The following GFM2 variants were observed in gnomAD, a reference collection of about 807,000 sequenced individuals.
GFM2 encodes the protein GTP dependent ribosome recycling factor mitochondrial 2, also known as ribosome-releasing factor 2, mitochondrial.
A neutral mutation model predicts 95.4 loss-of-function variants in GFM2; 72 were observed. That is an observed-to-expected ratio of 0.76 (90% CI 0.62 to 0.92). GFM2 has a LOEUF of 0.92. GFM2 is among the 40% of genes least tolerant of loss of function. The pLI is 0.00. For missense variants in GFM2, 825 were observed against 924.1 expected (o/e 0.89, Z 1.39); for synonymous variants, 276 against 317.5 (o/e 0.87, Z 1.39).
At chr5:74,723,423 G>A (rs1362682614) in intron 19 of GFM2, among the ~76,000 whole-genome samples, 1 of 152,058 alleles carries the variant, frequency 6.6e-6, no homozygotes, top group Admixed American at 6.6e-5. Flanking sequence ...TTCTGATGAT[G>A]ACATCAGTAG....
chr5:74,765,794 C>G (rs1744552970), intron 1 of GFM2, among the ~76,000 whole-genome samples: 1 of 151,444 alleles, frequency 6.6e-6, no homozygotes, highest in African/African-American at 2.4e-5. Flanking sequence ...GTCAGGAGTT[C>G]GAAACCAGCC....
At chr5:74,752,898 A>T (rs895199238) in intron 5 of GFM2, among the ~76,000 whole-genome samples, 1 of 152,198 alleles carries the variant, frequency 6.6e-6, no homozygotes, top group Admixed American at 6.5e-5. Flanking sequence ...AAACAAAAGA[A>T]TCTGAACAGT....
chr5:74,726,317 GTGT>G (rs1317629327), intron 17 of GFM2, among the ~76,000 whole-genome samples, 191 bp from the exon 18 acceptor site: 1 of 152,156 alleles, frequency 6.6e-6, no homozygotes, highest in Non-Finnish European at 1.5e-5. Flanking sequence ...ATCTGCTTCT[GTGT>G]TGATCAATGT....
chr5:74,725,925 C>CAAA lies in GFM2; in HGVS notation c.1912+15_1912+16insTTT. 1 of 1,599,534 alleles carries CAAA rather than the reference C, an allele frequency of 6.3e-7. No homozygotes were observed. The highest frequency in any genetic ancestry group is 8.5e-7 in the Non-Finnish European group (1 of 1,171,834). On this transcript the variant is annotated intron_variant, in intron 18 of 20. Transcript: ENST00000296805. ...TGAGTGGGATACTAATGCTTACTCT[C>CAAA]ATTTGAGTGTCTTACCTTGGAGACA...
intron 19 of GFM2, 92 bp downstream of exon 19, chr5:74,725,543 CAAGAT>C (rs1217669466): frequency 1.4e-6 from 1 of 721,264 alleles, no homozygotes; most frequent in East Asian, 2.6e-5. Flanking sequence ...GGCAAAGACA[CAAGAT>C]AAGGCTCTGT....
intron 17 of GFM2, among the ~76,000 whole-genome samples, chr5:74,729,679 T>C (rs1750322246): frequency 1.1e-5 from 1 of 91,450 alleles, no homozygotes; most frequent in Non-Finnish European, 2.0e-5. Context: ...CCTAAACGTC[T>C]TTTTTTTTTT....
intron 1 of GFM2, chr5:74,765,148 T>C: frequency 8.6e-7 from 1 of 1,156,110 alleles, no homozygotes; most frequent in Non-Finnish European, 1.1e-6. Flanking sequence ...TCTCCACAGT[T>C]GTGACTGTAA....
rs1742861608 is a variant in GFM2, at chr5:74,736,901, G to A, written c.1405C>T (p.His469Tyr). The A allele has an allele frequency of 6.2e-7, 1 of 1,613,692 alleles. No individual in the cohort carries two copies. The highest frequency in any genetic ancestry group is 1.7e-5 in the Admixed American group (1 of 59,966). The change falls in exon 15 of 21, where the codon CAC becomes TAC. Residue 469 changes from histidine (H) to tyrosine (Y), a missense_variant. Coordinates refer to ENST00000296805, the MANE Select transcript of GFM2 (RefSeq NM_032380.5). ...CTCTCTGCTTCATTGTTTTGTCTGT[G>A]CTTCTTTTCTCCCTCCCGTTCGGCT... ...RRAEREGEKKHRQNNEAERLL... is the reference protein window; with the variant it reads ...RRAEREGEKKYRQNNEAERLL...
rs1387606255 is a variant in GFM2 at position 74,766,990 on chromosome 5, C to T, written c.-77G>A. On this transcript the variant is annotated 5_prime_UTR_variant, in exon 1 of 21. Transcript: ENST00000296805. The stretch of plus-strand genomic sequence containing the variant: ...AGCTCTCACCGCTGGGCTCTTGAAG[C>T]AGGAGGCGCGAGCCGCGCCAAAGTC... The T allele has an allele frequency of 4.4e-6, 1 of 225,414 alleles. No homozygotes were observed. Among genetic ancestry groups the T allele is most frequent in the Non-Finnish European group, 9.1e-6 (1 of 110,120 alleles). The allele number at this position is 225,414 out of a possible 1,614,324, so 14.0% of individuals were successfully genotyped here. A position where few individuals can be genotyped will look rare whatever the true frequency, so the allele number is the denominator to read the frequency against.
Position 74,745,838 on chromosome 5 carries a change from T to C in GFM2, c.689A>G (p.Lys230Arg). 1.2e-6 allele frequency: 2 copies of C among 1,611,904 alleles called. No homozygotes were observed. Among genetic ancestry groups the C allele is most frequent in the Non-Finnish European group, 1.7e-6 (2 of 1,179,688 alleles). The change falls in exon 10 of 21, where the codon AAA becomes AGA. Residue 230 changes from lysine (K) to arginine (R), a missense_variant. Physicochemically the swap from Lys to Arg is conservative, Grantham distance 26. Coordinates refer to ENST00000296805, the MANE Select transcript of GFM2 (RefSeq NM_032380.5). ...LLLQLPIGEA[K>R]TFKGVVDVVM... ...TACATCCACCACTCCTTTGAAAGTT[T>C]TGGCTTCACCAATTGGTAACTGTAA...
chr5:74,759,305 C>G, intron 4 of GFM2, 64 bp downstream of exon 4: 1 of 919,494 alleles, frequency 1.1e-6, no homozygotes, highest in Non-Finnish European at 1.7e-6. Context: ...TCTTGTCCAT[C>G]AGAAAAAACC....
intron 8 of GFM2, among the ~76,000 whole-genome samples, chr5:74,747,249 A>C (rs1258896224): frequency 6.6e-6 from 1 of 152,132 alleles, no homozygotes; most frequent in Non-Finnish European, 1.5e-5. Flanking sequence ...CCAGTTCTTT[A>C]TTGACAGTAT....
chr5:74,760,342 G>A (rs1744214826), intron 3 of GFM2, among the ~76,000 whole-genome samples: 1 of 152,044 alleles, frequency 6.6e-6, no homozygotes, highest in Non-Finnish European at 1.5e-5. Context: ...ATTCTCACAT[G>A]ACAAACACAG....
At chr5:74,731,575 C>T (rs1428994526) in intron 16 of GFM2, among the ~76,000 whole-genome samples, 5 of 152,122 alleles carry the variant, frequency 3.3e-5, no homozygotes, top group African/African-American at 1.2e-4. Flanking sequence ...TTTGGCTGAT[C>T]CTAATTTAAA....
In GFM2 at chr5:74,725,710, T is replaced by C. The variant is rs773778306; in HGVS notation, c.1958A>G (p.His653Arg). ...GGTGCCAGGATGAATTGTCAGGGAA[T>C]GTAAAGTAATTGCTACATCCTGAAT... ...SPIQDVAITLHSLTIHPGTST... is the reference protein window; with the variant it reads ...SPIQDVAITLRSLTIHPGTST... Residue 653 changes from histidine (H) to arginine (R), a missense_variant, in exon 19 of 21, where the codon CAT becomes CGT. Transcript: ENST00000296805. 1.9e-6 allele frequency: 3 copies of C among 1,613,918 alleles called. No individual in the cohort carries two copies. Among genetic ancestry groups the C allele is most frequent in the Non-Finnish European group, 2.5e-6 (3 of 1,179,918 alleles).
In GFM2 at chr5:74,759,268, G is replaced by GCGAGACTCCGTCTCAAAAAAA. The variant is rs1561263191; in HGVS notation, c.206+100_206+101insTTTTTTTGAGACGGAGTCTCG. On this transcript the variant is annotated intron_variant, in intron 4 of 20. Transcript: ENST00000296805. ...CATCTACTTAAAATTGGCTAGGGCA[G>GCGAGACTCCGTCTCAAAAAAA]AAAGTCATAGAAATTACAGCATTCA... 9 of 727,524 alleles carry GCGAGACTCCGTCTCAAAAAAA rather than the reference G, an allele frequency of 1.2e-5. No homozygotes were observed. In the African/African-American group the frequency reaches 1.6e-4, roughly 13 times the overall value. The allele number at this position is 727,524 out of a possible 1,614,324, so 45.1% of individuals were successfully genotyped here.
Position 74,741,795 on chromosome 5 carries a change from A to G in GFM2, c.850-186T>C, listed in dbSNP as rs1743121036. The G allele has an allele frequency of 6.9e-6, 3 of 435,906 alleles. No homozygotes were observed. In the South Asian group the frequency reaches 1.5e-4, roughly 22 times the overall value. The allele number at this position is 435,906 out of a possible 1,614,324, so 27.0% of individuals were successfully genotyped here. ...TTTTCTTTGAAAGGAAAAGAAATGG[A>G]AAACTAAAGATACTATTAGGAGTTT... On this transcript the variant is annotated intron_variant, in intron 10 of 20. Coordinates refer to ENST00000296805, the MANE Select transcript of GFM2 (RefSeq NM_032380.5).
In GFM2 at chr5:74,736,828, G is replaced by A. The variant is rs374151998; in HGVS notation, c.1478C>T (p.Thr493Ile). 6.3e-5 allele frequency: 102 copies of A among 1,613,740 alleles called. No individual in the cohort carries two copies. The highest frequency in any genetic ancestry group is 8.4e-5 in the Non-Finnish European group (99 of 1,179,838). ...CTTAGACAGTGATGGGGGTTCTATG[G>A]TACAGAAGAAAACAGGTTCTGGAAT... ...VEIPEPVFFC[T>I]IEPPSLSKQP... The change falls in exon 15 of 21, where the codon ACC becomes ATC. Residue 493 changes from threonine to isoleucine, a missense_variant. Coordinates refer to ENST00000296805, the MANE Select transcript of GFM2 (RefSeq NM_032380.5).
intron 17 of GFM2, among the ~76,000 whole-genome samples, chr5:74,727,353 T>A (rs1386754222): frequency 6.6e-6 from 1 of 152,176 alleles, no homozygotes; most frequent in Non-Finnish European, 1.5e-5. Context: ...TTATATCACA[T>A]ATGCATGTAT....
Sources: gnomAD v4.1 joint callset for allele counts (sites outside exome capture counted in the v4.1 genomes callset) on GRCh38, gnomAD v4.1.1 for gene constraint, MANE v1.5 for transcripts, NCBI Gene and HGNC (gene_info 2026-07-23, HGNC 2026-07-21) for gene names.